The following SEMA4D variants were observed in gnomAD, a reference collection of about 807,000 sequenced individuals.
SEMA4D encodes the protein semaphorin-4D.
A neutral mutation model predicts 74.8 loss-of-function variants in SEMA4D; 22 were observed. The observed-to-expected ratio is 0.29, with a 90% CI of 0.21 to 0.42. The LOEUF (loss-of-function observed/expected upper bound fraction) is 0.42, where lower values mean the gene tolerates loss of function less well. Ranked by LOEUF, SEMA4D falls within the 10% of genes least tolerant of loss-of-function variation. The pLI, the probability that SEMA4D is intolerant of heterozygous loss-of-function variation, is 1.00. For missense variants in SEMA4D, 937 were observed against 1,118.4 expected (o/e 0.84, Z 2.31); for synonymous variants, 445 against 463.7 (o/e 0.96, Z 0.52).
chr9:89,421,154 T>C (rs1310226333), intron 2 of SEMA4D, among the ~76,000 whole-genome samples: 1 of 152,208 alleles, frequency 6.6e-6, no homozygotes, highest in East Asian at 1.9e-4. Flanking sequence ...AGGAACACTG[T>C]GACAGGCAGC....
At chr9:89,366,515 T>TA (rs561043061) in intron 16 of SEMA4D, among the ~76,000 whole-genome samples, 29 of 151,422 alleles carry the variant, frequency 1.9e-4, no homozygotes, top group South Asian at 4.2e-4. Context: ...GTGCAGAATT[T>TA]AAAAAAAAAC....
intron 2 of SEMA4D, chr9:89,418,269 T>C: frequency 5.6e-6 from 4 of 717,192 alleles, no homozygotes; most frequent in Non-Finnish European, 6.8e-6. Flanking sequence ...TTGGCTTGCA[T>C]GTGCTGGGGA....
chr9:89,480,101 A>C (rs915238360), intron 1 of SEMA4D, among the ~76,000 whole-genome samples: 7 of 152,102 alleles, frequency 4.6e-5, no homozygotes, highest in Admixed American at 1.3e-4. Flanking sequence ...CAGAGCAGCT[A>C]GATACAGAGT....
intron 2 of SEMA4D, among the ~76,000 whole-genome samples, chr9:89,443,806 G>T (rs926377949): frequency 6.6e-6 from 1 of 152,228 alleles, no homozygotes; most frequent in Admixed American, 6.5e-5. Context: ...GCATAGGTGT[G>T]GCCTGCCCTG....
In SEMA4D at chr9:89,381,079, T is replaced by A. The variant is rs376445150; in HGVS notation, c.1639A>T (p.Ser547Cys). The A allele has an allele frequency of 8.7e-6, 14 of 1,613,924 alleles. No individual in the cohort carries two copies. Among genetic ancestry groups the A allele is most frequent in the African/African-American group, 2.7e-5 (2 of 74,894 alleles). ...SPSRGLIQEM[S>C]GDASVCPDKS... ...CCCGGGCACACAGAAGCATCGCCGC[T>A]CATCTCCTGAATCAAACCCCTGCAA... The change falls in exon 15 of 16, where the codon AGC becomes TGC. Residue 547 changes from serine (S) to cysteine (C), a missense_variant. Coordinates refer to ENST00000422704, the MANE Select transcript of SEMA4D (RefSeq NM_001371194.2). This position sits in a 1 kb window ranked among gnomAD's most constrained non-coding sequence, Gnocchi z 4.6.
chr9:89,379,351 C>T lies in SEMA4D; in HGVS notation c.1942G>A (p.Val648Met), dbSNP rs1173095157. 4 of 1,614,190 alleles carry T rather than the reference C, an allele frequency of 2.5e-6. No homozygotes were observed. The highest frequency in any genetic ancestry group is 3.4e-6 in the Non-Finnish European group (4 of 1,180,036). Residue 648 changes from valine to methionine, a missense_variant, in exon 16 of 16, where the codon GTG (valine) becomes ATG (methionine). Physicochemically the swap from Val to Met is conservative, Grantham distance 21 (BLOSUM62 1). Coordinates refer to ENST00000422704, the MANE Select transcript of SEMA4D (RefSeq NM_001371194.2). ...GGGGCCACTACGGGCTTTGGAACCA[C>T]CTTCACTTCCAGGACGTGCTTGGCG... ...VVAKHVLEVK[V>M]VPKPVVAPTL...
chr9:89,391,788 A>G (rs1427223381), intron 8 of SEMA4D, among the ~76,000 whole-genome samples: 1 of 152,186 alleles, frequency 6.6e-6, no homozygotes. Context: ...TAAACAACAC[A>G]TGCTTCACAT....
At chr9:89,385,865 T>TTGGGGGGGGGGGGGG in intron 13 of SEMA4D, 34 of 213,326 alleles carry the variant, frequency 1.6e-4, no homozygotes, top group South Asian at 3.5e-4. Flanking sequence ...CCAGCGTGGA[T>TTGGGGGGGGGGGGGG]GCCCGCCCAC....
rs776439758 is a variant in SEMA4D, at chr9:89,378,775, A to G, written c.2518T>C (p.Ser840Pro). The change falls in exon 16 of 16, where the codon TCT becomes CCT. Residue 840 changes from serine to proline, a missense_variant. Coordinates refer to ENST00000422704, the MANE Select transcript of SEMA4D (RefSeq NM_001371194.2). ...ACGTCAAAGGGCTTGTCCCTGGCAG[A>G]AAGGTCGTCGATCCTCTGTGAGTCC... ...REDSQRIDDL[S>P]ARDKPFDVKC... 11 of 1,614,192 alleles carry G rather than the reference A, an allele frequency of 6.8e-6. No homozygotes were observed. In the South Asian group the frequency reaches 1.2e-4, roughly 18 times the overall value.
intron 1 of SEMA4D, among the ~76,000 whole-genome samples, chr9:89,475,520 C>T (rs1861529527): frequency 6.6e-6 from 1 of 152,200 alleles, no homozygotes; most frequent in South Asian, 2.1e-4. Context: ...CTTGTTCACC[C>T]ATCAATCATT....
intron 2 of SEMA4D, among the ~76,000 whole-genome samples, chr9:89,426,226 G>A (rs891603167): frequency 6.6e-6 from 1 of 152,248 alleles, no homozygotes; most frequent in African/African-American, 2.4e-5. Context: ...GGCACGGCAT[G>A]AGGGGATAGG....
At chr9:89,489,923 A>G (rs774995092) in intron 1 of SEMA4D, among the ~76,000 whole-genome samples, 2 of 152,236 alleles carry the variant, frequency 1.3e-5, no homozygotes, top group Non-Finnish European at 2.9e-5. Flanking sequence ...AGGAATCTCC[A>G]AACTTTTTTC....
chr9:89,391,158 G>T, intron 9 of SEMA4D, 106 bp downstream of exon 9: 1 of 1,125,342 alleles, frequency 8.9e-7, no homozygotes, highest in Non-Finnish European at 1.3e-6. Context: ...AGGGAATAAA[G>T]TGCTAGGGAA....
intron 16 of SEMA4D, chr9:89,364,205 T>C: frequency 1.5e-6 from 1 of 667,000 alleles, no homozygotes; most frequent in Non-Finnish European, 2.4e-6. Flanking sequence ...CTGTGTGGCC[T>C]GTGTCCCCTA....
chr9:89,421,116 T>G (rs547541182), intron 2 of SEMA4D, among the ~76,000 whole-genome samples: 1 of 152,258 alleles, frequency 6.6e-6, no homozygotes, highest in South Asian at 2.1e-4. Context: ...CTTCCCCAGG[T>G]CCACATAGAC....
intron 1 of SEMA4D, among the ~76,000 whole-genome samples, chr9:89,487,038 G>A (rs544670668): frequency 6.6e-6 from 1 of 151,868 alleles, no homozygotes; most frequent in Non-Finnish European, 1.5e-5. Context: ...ACTTTACTTT[G>A]ATACCAATAT....
intron 2 of SEMA4D, among the ~76,000 whole-genome samples, chr9:89,414,693 C>G (rs1351797947): frequency 6.6e-6 from 1 of 152,198 alleles, no homozygotes; most frequent in Non-Finnish European, 1.5e-5. Context: ...GTTTATTGTT[C>G]CAACTTCAGT....
rs1326206288 is a variant in SEMA4D, at chr9:89,484,788, G to T, written c.-310+13131C>A. ...TGTGGTATGGGGAATGTGTGGTGTG[G>T]TGTGTGGATGTATTGTGTGGTGGGT... On this transcript the variant is annotated intron_variant, in intron 1 of 15. Coordinates refer to ENST00000422704, the MANE Select transcript of SEMA4D (RefSeq NM_001371194.2). This position sits in a 1 kb window ranked among gnomAD's most constrained non-coding sequence, Gnocchi z 4.1. 2.0e-5 allele frequency among the ~76,000 whole-genome samples: 3 copies of T among 150,454 alleles called. No homozygotes were observed. Among genetic ancestry groups the T allele is most frequent in the East Asian group, 2.0e-4 (1 of 5,118 alleles).
chr9:89,424,683 C>T (rs1847736073), intron 2 of SEMA4D, among the ~76,000 whole-genome samples: 1 of 151,934 alleles, frequency 6.6e-6, no homozygotes. Flanking sequence ...TTCCTGCCCT[C>T]CCCCACCTCT....
Sources: gnomAD v4.1 joint callset for allele counts (sites outside exome capture counted in the v4.1 genomes callset) on GRCh38, gnomAD v4.1.1 for gene constraint, Gnocchi (gnomAD v3.1) non-coding constraint, MANE v1.5 for transcripts, NCBI Gene and HGNC (gene_info 2026-07-23, HGNC 2026-07-21) for gene names.